The following SLAIN2 variants were observed in gnomAD, a reference collection of about 807,000 sequenced individuals.
The protein encoded by SLAIN2 is SLAIN motif-containing protein 2.
A neutral mutation model predicts 56.6 loss-of-function variants in SLAIN2; 31 were observed. The ratio of observed to expected loss-of-function variants is 0.55; its 90% CI spans 0.41 to 0.74. The LOEUF (loss-of-function observed/expected upper bound fraction) is 0.74. SLAIN2 is among the 30% of genes least tolerant of loss of function. The probability of loss-of-function intolerance (pLI) is 0.00; values close to 1 mark genes in which losing one functional copy is unlikely to be tolerated. For missense variants in SLAIN2, 777 were observed against 754.2 expected (o/e 1.03, Z -0.35); for synonymous variants, 317 against 284.9 (o/e 1.11, Z -1.13).
intron 6 of SLAIN2, among the ~76,000 whole-genome samples, chr4:48,385,218 C>G (rs960396849): frequency 6.6e-6 from 1 of 152,130 alleles, no homozygotes; most frequent in African/African-American, 2.4e-5. Flanking sequence ...CAAAAAATTA[C>G]TTTTTAGCTA....
intron 6 of SLAIN2, among the ~76,000 whole-genome samples, chr4:48,399,842 G>A (rs1254304375): frequency 5.3e-5 from 8 of 151,996 alleles, no homozygotes; most frequent in African/African-American, 7.2e-5. Context: ...CTTGCATCCC[G>A]AGGATAAAGC....
At chr4:48,419,653 T>G (rs1336211714) in intron 6 of SLAIN2, among the ~76,000 whole-genome samples, 1 of 152,212 alleles carries the variant, frequency 6.6e-6, no homozygotes, top group East Asian at 1.9e-4. Flanking sequence ...TTCTAAATTT[T>G]TAGTTACAGT....
chr4:48,425,342 A>G lies in SLAIN2; in HGVS notation c.*3265A>G, dbSNP rs1452551832. On this transcript the variant is annotated 3_prime_UTR_variant, in exon 8 of 8. Transcript: ENST00000264313. ...GCATTTGCCTAGATCATAACTATGT[A>G]TGGTATCTAGTTAGAAAAAAACAAG... 2 of 152,138 alleles carry G rather than the reference A, an allele frequency of 1.3e-5. No individual in the cohort carries two copies. Among genetic ancestry groups the G allele is most frequent in the East Asian group, 1.9e-4 (1 of 5,198 alleles). 9.4% of individuals were successfully genotyped at this position (152,138 alleles called of 1,614,324 possible).
At chr4:48,355,022 C>T (rs1045783574) in intron 1 of SLAIN2, among the ~76,000 whole-genome samples, 17 of 152,242 alleles carry the variant, frequency 1.1e-4, no homozygotes, top group African/African-American at 4.1e-4. Context: ...GCAGGGATTA[C>T]AGGCGACTGC....
chr4:48,399,790 T>C (rs2109775918), intron 6 of SLAIN2, among the ~76,000 whole-genome samples: 1 of 152,340 alleles, frequency 6.6e-6, no homozygotes, highest in Non-Finnish European at 1.5e-5. Flanking sequence ...GTTCTGTTTA[T>C]GTGATGAATT....
chr4:48,373,870 G>T (rs186907538), intron 2 of SLAIN2, among the ~76,000 whole-genome samples: 9 of 152,094 alleles, frequency 5.9e-5, no homozygotes, highest in Non-Finnish European at 1.5e-5. Flanking sequence ...GAGAAACCCT[G>T]TCTCTACTAA....
At chr4:48,419,614 G>T (rs1338665643) in intron 6 of SLAIN2, among the ~76,000 whole-genome samples, 1 of 152,146 alleles carries the variant, frequency 6.6e-6, no homozygotes, top group Non-Finnish European at 1.5e-5. Context: ...GCACAGCAAT[G>T]GAAGCACTTT....
chr4:48,380,751 A>G (rs1715951487), intron 4 of SLAIN2, among the ~76,000 whole-genome samples: 1 of 152,154 alleles, frequency 6.6e-6, no homozygotes, highest in South Asian at 2.1e-4. Flanking sequence ...TGAAATACAT[A>G]TGTTGACAAG....
At chr4:48,346,445 C>T (rs948387252) in intron 1 of SLAIN2, among the ~76,000 whole-genome samples, 2 of 152,080 alleles carry the variant, frequency 1.3e-5, no homozygotes, top group African/African-American at 2.4e-5. Context: ...GACTTCTCAT[C>T]GATAACCTTT....
chr4:48,399,116 T>A (rs1192538019), intron 6 of SLAIN2, among the ~76,000 whole-genome samples: 4 of 152,206 alleles, frequency 2.6e-5, no homozygotes, highest in Non-Finnish European at 5.9e-5. Context: ...TATTATGATA[T>A]TGATTCTTCC....
chr4:48,364,759 G>A (rs1343151223), intron 1 of SLAIN2, among the ~76,000 whole-genome samples: 4 of 139,266 alleles, frequency 2.9e-5, no homozygotes, highest in Admixed American at 2.1e-4. Flanking sequence ...CAGGCACTCC[G>A]CAGGCTGAGG....
At chr4:48,411,351 C>CA (rs1716841071) in intron 6 of SLAIN2, among the ~76,000 whole-genome samples, 1 of 151,966 alleles carries the variant, frequency 6.6e-6, no homozygotes, top group Non-Finnish European at 1.5e-5. Context: ...ATTCACGATG[C>CA]AAAAAACAAA....
intron 1 of SLAIN2, among the ~76,000 whole-genome samples, chr4:48,368,247 T>C (rs915747292): frequency 6.6e-6 from 1 of 151,840 alleles, no homozygotes. Context: ...ATGGGGTTTG[T>C]ATTTTTAGTA....
chr4:48,392,721 CTATTTA>C (rs1356289526), intron 6 of SLAIN2, among the ~76,000 whole-genome samples: 2 of 152,006 alleles, frequency 1.3e-5, no homozygotes, highest in Non-Finnish European at 2.9e-5. Flanking sequence ...CCTGATCACT[CTATTTA>C]TAATTGCAAC....
intron 1 of SLAIN2, among the ~76,000 whole-genome samples, chr4:48,365,444 C>CA (rs34317951): frequency 0.36 from 20,108 of 56,564 alleles, 3,426 homozygotes; most frequent in South Asian, 0.44. Flanking sequence ...GACTCCATCT[C>CA]AAAAAAAAAA....
intron 6 of SLAIN2, among the ~76,000 whole-genome samples, chr4:48,390,530 G>GAAACTAGT (rs1307597153): frequency 1.3e-5 from 2 of 151,982 alleles, no homozygotes; most frequent in Non-Finnish European, 2.9e-5. Flanking sequence ...CAATTATCAT[G>GAAACTAGT]AAACTAGTTA....
intron 1 of SLAIN2, among the ~76,000 whole-genome samples, chr4:48,362,423 CTTTTTT>C (rs557166143): frequency 2.1e-5 from 3 of 140,956 alleles, no homozygotes; most frequent in Non-Finnish European, 4.6e-5. Flanking sequence ...TTCTCTCTCT[CTTTTTT>C]TTTTTTTTGG....
intron 1 of SLAIN2, among the ~76,000 whole-genome samples, chr4:48,352,013 A>T (rs543133673): frequency 1.3e-5 from 2 of 152,180 alleles, no homozygotes; most frequent in Non-Finnish European, 2.9e-5. Flanking sequence ...AACTAAAGGG[A>T]TGTTTGTTAG....
intron 6 of SLAIN2, among the ~76,000 whole-genome samples, chr4:48,389,348 C>A (rs909162884): frequency 2.0e-5 from 3 of 152,184 alleles, no homozygotes; most frequent in African/African-American, 7.2e-5. Flanking sequence ...AGTTTGAGAA[C>A]CAGTGGGTTA....
Sources: allele counts gnomAD v4.1 joint callset (sites outside exome capture counted in the v4.1 genomes callset), GRCh38; gene constraint gnomAD v4.1.1; transcripts MANE v1.5; gene names NCBI Gene and HGNC (gene_info 2026-07-23, HGNC 2026-07-21).